Variants in ZDHHC2 observed in about 807,000 individuals in gnomAD.
ZDHHC2 encodes the protein palmitoyltransferase ZDHHC2.
A neutral mutation model predicts 55.6 loss-of-function variants in ZDHHC2; 51 were observed. The ratio of observed to expected loss-of-function variants is 0.92; its 90% CI spans 0.73 to 1.16. The LOEUF is 1.16. Among genes scored for constraint, ZDHHC2 ranks in the 50% most tolerant of loss-of-function variants. ZDHHC2 has a pLI of 0.00. For synonymous variants in ZDHHC2, 199 were observed against 152.9 expected (o/e 1.30, Z -2.22); for missense variants, 491 against 442.4 (o/e 1.11, Z -0.99).
intron 1 of ZDHHC2, among the ~76,000 whole-genome samples, chr8:17,169,625 G>A (rs1423533351): frequency 3.9e-5 from 6 of 152,150 alleles, no homozygotes; most frequent in East Asian, 3.9e-4. Flanking sequence ...TCATGAACTC[G>A]ATTCTGATCC....
chr8:17,215,303 TCA>T lies in ZDHHC2; in HGVS notation c.1018_1019del (p.Gln340ValfsTer26). On this transcript the variant is annotated frameshift_variant, in exon 11 of 13. Transcript: ENST00000262096. LOFTEE classifies it high-confidence loss of function. ...ESQSHLLTDS[Q>X]SWTESSINPG... Reference sequence around the variant, plus strand: ...CCCAGAGCCACCTTCTTACTGATTCTCAGTCTTGGACGGAGAGCAGCATAAAC... The same window carrying T: ...CCCAGAGCCACCTTCTTACTGATTCTGTCTTGGACGGAGAGCAGCATAAAC... 2 of 1,600,054 alleles carry T rather than the reference TCA, an allele frequency of 1.2e-6. No individual in the cohort carries two copies. Among genetic ancestry groups the T allele is most frequent in the East Asian group, 2.2e-5 (1 of 44,464 alleles).
chr8:17,180,263 C>A (rs1219368530), intron 1 of ZDHHC2, among the ~76,000 whole-genome samples: 1 of 152,098 alleles, frequency 6.6e-6, no homozygotes, highest in African/African-American at 2.4e-5. Context: ...ACTGGCACAT[C>A]AAGATCGAAG....
In ZDHHC2 at chr8:17,186,416, T is replaced by A; in HGVS notation, c.243T>A (p.Pro81=). ...WKTIFTLPMN[P]SKEFHLSYAE... is the part of the protein sequence containing the mutation. ...CTATCTTTACATTACCAATGAATCCTTCAAAAGAAGTAAGTTAAAATATTA... is the reference window on the plus strand; with the variant it reads ...CTATCTTTACATTACCAATGAATCCATCAAAAGAAGTAAGTTAAAATATTA... The change falls in exon 3 of 13, where the codon CCT becomes CCA. Residue 81 remains proline, a synonymous_variant. Coordinates refer to ENST00000262096, the MANE Select transcript of ZDHHC2 (RefSeq NM_016353.5). 6.5e-7 allele frequency: 1 copy of A among 1,542,240 alleles called. No individual in the cohort carries two copies.
intron 3 of ZDHHC2, among the ~76,000 whole-genome samples, chr8:17,193,184 C>A (rs1774479478): frequency 6.6e-6 from 1 of 152,136 alleles, no homozygotes; most frequent in Non-Finnish European, 1.5e-5. Context: ...TAGTATTTGT[C>A]CTCCTTGGGA....
chr8:17,191,712 T>G (rs955088882), intron 3 of ZDHHC2, among the ~76,000 whole-genome samples: 2 of 152,226 alleles, frequency 1.3e-5, no homozygotes, highest in African/African-American at 2.4e-5. Flanking sequence ...CATTATCCAT[T>G]CATCCATTGA....
At position 17,194,309 on chromosome 8, in the gene ZDHHC2, A is replaced by C. The variant is rs1489286342; in HGVS notation, c.253-1195A>C. Among the ~76,000 whole-genome samples the C allele has an allele frequency of 1.3e-5, 2 of 148,240 alleles. 1 individual carries two copies. The highest frequency in any genetic ancestry group is 3.0e-5 in the Non-Finnish European group (2 of 67,324). On this transcript the variant is annotated intron_variant, in intron 3 of 12. Coordinates refer to ENST00000262096, the MANE Select transcript of ZDHHC2 (RefSeq NM_016353.5). ...TTTTAAATTGTAAAATATTTTATAC[A>C]TATTTTTGTATATATACAAAATATA... is the stretch of plus-strand genomic sequence containing the variant.
chr8:17,213,957 GA>G (rs1807512761), intron 10 of ZDHHC2, among the ~76,000 whole-genome samples: 1 of 152,030 alleles, frequency 6.6e-6, no homozygotes, highest in South Asian at 2.1e-4. Flanking sequence ...GCACAAAATT[GA>G]AATATTCTAA....
chr8:17,162,121 T>C (rs1344033660), intron 1 of ZDHHC2, among the ~76,000 whole-genome samples: 2 of 152,250 alleles, frequency 1.3e-5, no homozygotes, highest in African/African-American at 4.8e-5. Flanking sequence ...GGACTCTGCT[T>C]AATGCTTTTT....
intron 6 of ZDHHC2, among the ~76,000 whole-genome samples, chr8:17,199,835 C>T (rs562139916): frequency 1.3e-5 from 2 of 150,598 alleles, no homozygotes; most frequent in Admixed American, 1.3e-4. Flanking sequence ...TCTCAGCTCA[C>T]TGCAACCTCT....
At chr8:17,167,582 C>A (rs1299138308) in intron 1 of ZDHHC2, among the ~76,000 whole-genome samples, 1 of 152,076 alleles carries the variant, frequency 6.6e-6, no homozygotes, top group African/African-American at 2.4e-5. Flanking sequence ...AGGCGTGAGC[C>A]ACCACGCCCG....
chr8:17,161,178 A>C (rs912389640), intron 1 of ZDHHC2, among the ~76,000 whole-genome samples: 1 of 152,220 alleles, frequency 6.6e-6, no homozygotes, highest in Non-Finnish European at 1.5e-5. Context: ...ATTGAAGGCC[A>C]CTGCAGGCTC....
chr8:17,191,922 A>T (rs1363380800), intron 3 of ZDHHC2, among the ~76,000 whole-genome samples: 1 of 152,126 alleles, frequency 6.6e-6, no homozygotes, highest in Non-Finnish European at 1.5e-5. Flanking sequence ...ATTCTCACCA[A>T]CAGTATACAA....
chr8:17,214,325 T>G (rs1438968370), intron 10 of ZDHHC2, among the ~76,000 whole-genome samples: 6 of 152,320 alleles, frequency 3.9e-5, no homozygotes, highest in African/African-American at 1.4e-4. Context: ...ATTTCAGATG[T>G]TTTTTATATT....
At chr8:17,199,533 T>TC in intron 6 of ZDHHC2, among the ~76,000 whole-genome samples, 1 of 31,292 alleles carries the variant, frequency 3.2e-5, no homozygotes, top group Non-Finnish European at 7.6e-5. Flanking sequence ...CTTCGTCTTC[T>TC]GTCTTCGTCT....
intron 2 of ZDHHC2, among the ~76,000 whole-genome samples, chr8:17,185,056 A>G (rs1805640448): frequency 6.6e-6 from 1 of 152,182 alleles, no homozygotes; most frequent in Non-Finnish European, 1.5e-5. Context: ...GTATAGGGAT[A>G]TCAACAATTT....
At chr8:17,204,455 C>T (rs1304672572) in intron 6 of ZDHHC2, among the ~76,000 whole-genome samples, 4 of 152,232 alleles carry the variant, frequency 2.6e-5, no homozygotes. Flanking sequence ...CAAGAAGTTA[C>T]TCAACCCATG....
intron 3 of ZDHHC2, among the ~76,000 whole-genome samples, chr8:17,189,420 T>C (rs1805906620): frequency 6.6e-6 from 1 of 152,182 alleles, no homozygotes; most frequent in South Asian, 2.1e-4. Flanking sequence ...GAATGTAGGT[T>C]CCATAAGGGC....
intron 6 of ZDHHC2, among the ~76,000 whole-genome samples, chr8:17,198,624 A>G (rs1225059068): frequency 6.6e-6 from 1 of 152,220 alleles, no homozygotes; most frequent in Non-Finnish European, 1.5e-5. Context: ...GTAGGTTAAC[A>G]ACCTAAAAGT....
rs371259193 is a variant in ZDHHC2, at chr8:17,186,331, T to C, written c.158T>C (p.Val53Ala). 1.9e-6 allele frequency: 3 copies of C among 1,588,602 alleles called. No homozygotes were observed. Among genetic ancestry groups the C allele is most frequent in the Non-Finnish European group, 2.6e-6 (3 of 1,166,612 alleles). Residue 53 changes from valine (V) to alanine (A), a missense_variant and splice_region_variant, in exon 3 of 13, where the codon GTT becomes GCT. Val to Ala is a moderately conservative substitution (Grantham distance 64). Transcript: ENST00000262096. ...IVSMENTGEQ[V>A]VCLMAYHLLF... ...GATAATTATGTTTTTCTCATTTTAG[T>C]TGTGTGCCTGATGGCCTATCATCTA...
Sources: gnomAD v4.1 joint callset for allele counts (sites outside exome capture counted in the v4.1 genomes callset) on GRCh38, gnomAD v4.1.1 for gene constraint, MANE v1.5 for transcripts, NCBI Gene and HGNC (gene_info 2026-07-23, HGNC 2026-07-21) for gene names.